Variants in SNX29 observed in about 807,000 individuals in gnomAD.
SNX29 encodes sorting nexin 29, also known as sorting nexin-29.
In SNX29, 78 loss-of-function variants were observed where a neutral mutation model predicts 102.1. The observed-to-expected ratio is 0.76, with a 90% CI of 0.64 to 0.92. SNX29 has a LOEUF of 0.92. SNX29 is among the 40% of genes least tolerant of loss of function. The pLI is 0.00. For synonymous variants in SNX29, 580 were observed against 414.5 expected (o/e 1.40, Z -4.85); for missense variants, 1,280 against 1,061.7 (o/e 1.21, Z -2.86).
intron 9 of SNX29, among the ~76,000 whole-genome samples, chr16:12,064,552 G>A (rs1308665969): frequency 6.6e-6 from 1 of 152,262 alleles, no homozygotes; most frequent in South Asian, 2.1e-4. Context: ...TGCTGTCAGG[G>A]GGCTTGTGAG....
At chr16:12,476,423 T>TATATATATATATATATAC (rs2087644712) in intron 18 of SNX29, among the ~76,000 whole-genome samples, 2 of 74,012 alleles carry the variant, frequency 2.7e-5, no homozygotes, top group Admixed American at 1.9e-4. Flanking sequence ...CATATATATA[T>TATATATATATATATATAC]ATATATATAT....
chr16:12,533,568 A>T (rs981303215), intron 20 of SNX29, among the ~76,000 whole-genome samples: 5 of 152,168 alleles, frequency 3.3e-5, no homozygotes, highest in African/African-American at 1.2e-4. Context: ...TAGCCTCGTC[A>T]TTATCAACCA....
At chr16:12,328,245 G>C (rs2081182520) in intron 15 of SNX29, among the ~76,000 whole-genome samples, 1 of 152,118 alleles carries the variant, frequency 6.6e-6, no homozygotes, top group Admixed American at 6.5e-5. Context: ...TACTACTACT[G>C]TTTGTATTAC....
At chr16:12,527,826 CTTTTTTT>C (rs767257136) in intron 20 of SNX29, among the ~76,000 whole-genome samples, 1 of 138,372 alleles carries the variant, frequency 7.2e-6, no homozygotes, top group Non-Finnish European at 1.6e-5. Flanking sequence ...TCTTCTTCTT[CTTTTTTT>C]TTTTTTTTTG....
chr16:12,413,927 C>T (rs1330541676), intron 18 of SNX29, among the ~76,000 whole-genome samples: 3 of 152,202 alleles, frequency 2.0e-5, no homozygotes, highest in Non-Finnish European at 4.4e-5. Flanking sequence ...CCCATGGACA[C>T]CCAAATCTGA....
At chr16:12,552,139 C>T (rs928004585) in intron 20 of SNX29, among the ~76,000 whole-genome samples, 8 of 152,194 alleles carry the variant, frequency 5.3e-5, no homozygotes, top group African/African-American at 1.9e-4. Flanking sequence ...CCTGAGAGGC[C>T]ACATTCCAGT....
chr16:12,544,846 GCCCA>G (rs2077514450), intron 20 of SNX29, among the ~76,000 whole-genome samples: 1 of 152,184 alleles, frequency 6.6e-6, no homozygotes, highest in Non-Finnish European at 1.5e-5. Flanking sequence ...TTGGGGAAAT[GCCCA>G]CATGCAGCCA....
chr16:12,448,605 G>T (rs1051294930), intron 18 of SNX29, among the ~76,000 whole-genome samples: 1 of 152,102 alleles, frequency 6.6e-6, no homozygotes, highest in African/African-American at 2.4e-5. Flanking sequence ...TGAGAAAAGA[G>T]CAGATGACTT....
chr16:12,234,946 T>C (rs1432456066), intron 14 of SNX29, among the ~76,000 whole-genome samples: 2 of 150,964 alleles, frequency 1.3e-5, no homozygotes, highest in Non-Finnish European at 2.9e-5. Flanking sequence ...CTCTCTCCTT[T>C]TCACCCATCC....
intron 20 of SNX29, among the ~76,000 whole-genome samples, chr16:12,545,089 C>CA (rs1399179427): frequency 1.3e-5 from 2 of 152,188 alleles, no homozygotes; most frequent in East Asian, 3.9e-4. Flanking sequence ...TGCCAGCCAT[C>CA]AGACCCAGGC....
chr16:12,571,762 C>A lies in SNX29; in HGVS notation c.*3133C>A, dbSNP rs1010355895. The A allele has an allele frequency of 9.9e-7, 1 of 1,012,226 alleles. No individual in the cohort carries two copies. Among genetic ancestry groups the A allele is most frequent in the African/African-American group, 1.7e-5 (1 of 59,728 alleles). The allele number at this position is 1,012,226 out of a possible 1,614,324, so 62.7% of individuals were successfully genotyped here. A position where few individuals can be genotyped will look rare whatever the true frequency, so the allele number is the denominator to read the frequency against. ...CCTAGCCCAACCATCCACTCCTGAT[C>A]TGAGACAGAACCTTCTCCGCCACTC... On this transcript the variant is annotated 3_prime_UTR_variant, in exon 21 of 21. Coordinates refer to ENST00000566228, the MANE Select transcript of SNX29 (RefSeq NM_032167.5).
intron 20 of SNX29, among the ~76,000 whole-genome samples, chr16:12,538,818 G>GC (rs2077193736): frequency 6.6e-6 from 1 of 152,166 alleles, no homozygotes; most frequent in Non-Finnish European, 1.5e-5. Flanking sequence ...AGAGTCAGTG[G>GC]GAGGGCACTG....
chr16:12,373,320 G>A (rs1018012024), intron 16 of SNX29, among the ~76,000 whole-genome samples: 1 of 152,014 alleles, frequency 6.6e-6, no homozygotes, highest in Non-Finnish European at 1.5e-5. Flanking sequence ...TATAGAGATG[G>A]GGTTTCACTA....
intron 20 of SNX29, among the ~76,000 whole-genome samples, chr16:12,539,628 C>G (rs142851324): frequency 1.2e-4 from 19 of 152,194 alleles, no homozygotes; most frequent in African/African-American, 3.4e-4. Flanking sequence ...GGATCCTATG[C>G]TAAATGTAAG....
chr16:12,540,204 G>A (rs1597831204), intron 20 of SNX29, among the ~76,000 whole-genome samples: 1 of 152,096 alleles, frequency 6.6e-6, no homozygotes, highest in South Asian at 2.1e-4. Flanking sequence ...TCCAAGGATT[G>A]GGTCAAGGTT....
At position 12,570,726 on chromosome 16, in the gene SNX29, T is replaced by A. The variant is rs548419895; in HGVS notation, c.*2097T>A. ...AAAGCACAGGATGTGAATTGGTCTC[T>A]CTCCAGATACCCCACGAGGAAGCAC... On this transcript the variant is annotated 3_prime_UTR_variant, in exon 21 of 21. Coordinates refer to ENST00000566228, the MANE Select transcript of SNX29 (RefSeq NM_032167.5). The A allele has an allele frequency of 2.4e-4, 56 of 232,226 alleles. No individual in the cohort carries two copies. Among genetic ancestry groups the A allele is most frequent in the Non-Finnish European group, 3.9e-4 (46 of 117,550 alleles). The allele number at this position is 232,226 out of a possible 1,614,324, so 14.4% of individuals were successfully genotyped here.
intron 18 of SNX29, among the ~76,000 whole-genome samples, chr16:12,472,542 AAC>A (rs2087402168): frequency 4.0e-5 from 6 of 149,882 alleles, no homozygotes; most frequent in Non-Finnish European, 5.9e-5. Context: ...AAAAAAAAAA[AAC>A]AAAAAAAAAA....
chr16:12,187,400 C>A (rs2076537791), intron 13 of SNX29, among the ~76,000 whole-genome samples: 4 of 152,086 alleles, frequency 2.6e-5, no homozygotes, highest in Non-Finnish European at 5.9e-5. Flanking sequence ...ACTAAAAGTA[C>A]AAAATTAGCC....
At chr16:12,504,577 C>G (rs2089287248) in intron 19 of SNX29, among the ~76,000 whole-genome samples, 1 of 152,324 alleles carries the variant, frequency 6.6e-6, no homozygotes, top group South Asian at 2.1e-4. Flanking sequence ...TGCAGTAACC[C>G]CCCTTATCCA....
Sources: allele counts gnomAD v4.1 joint callset (sites outside exome capture counted in the v4.1 genomes callset), GRCh38; gene constraint gnomAD v4.1.1; transcripts MANE v1.5; gene names NCBI Gene and HGNC (gene_info 2026-07-23, HGNC 2026-07-21).